Variants in GRID2 observed in about 807,000 individuals in gnomAD.
The protein encoded by GRID2 is glutamate ionotropic receptor delta type subunit 2.
Under a neutral mutation model 114.8 loss-of-function variants are expected in GRID2, and 33 were observed. That is an observed-to-expected ratio of 0.29 (90% CI 0.22 to 0.38). The LOEUF (loss-of-function observed/expected upper bound fraction) is 0.38, where lower values mean the gene tolerates loss of function less well. GRID2 is among the 10% of genes least tolerant of loss of function. GRID2 has a pLI of 1.00. For missense variants in GRID2, 1,184 were observed against 1,257.7 expected, an observed-to-expected ratio of 0.94 and a Z score of 0.89; for synonymous variants, 505 against 449.9, an observed-to-expected ratio of 1.12 and a Z score of -1.55.
In GRID2 at chr4:93,772,823, T is replaced by C. The variant is rs1409178559; in HGVS notation, c.*325T>C. 4.1e-6 allele frequency: 1 copy of C among 241,280 alleles called. No homozygotes were observed. Among genetic ancestry groups the C allele is most frequent in the East Asian group, 8.3e-5 (1 of 12,034 alleles). 14.9% of individuals were successfully genotyped at this position (241,280 alleles called of 1,614,324 possible). ...AAATGTGCACTGAGTATACTAAAAG[T>C]ATATGCAGGATTAATTTTACATAAA... On this transcript the variant is annotated 3_prime_UTR_variant, in exon 16 of 16. Coordinates refer to ENST00000282020, the MANE Select transcript of GRID2 (RefSeq NM_001510.4).
intron 2 of GRID2, among the ~76,000 whole-genome samples, chr4:93,070,966 T>C (rs1279485604): frequency 6.6e-6 from 1 of 152,126 alleles, no homozygotes; most frequent in Admixed American, 6.6e-5. Flanking sequence ...TGAACTCTTC[T>C]ATACGCCAAG....
In GRID2 at chr4:92,461,632, A is replaced by C. The variant is rs565326851; in HGVS notation, c.89-128499A>C. ...TGCCTTTTTTTAATAAATAAAACCTAAACTTACCCTAATTATACTTTCATT... is the reference window on the plus strand; with the variant it reads ...TGCCTTTTTTTAATAAATAAAACCTCAACTTACCCTAATTATACTTTCATT... On this transcript the variant is annotated intron_variant, in intron 1 of 15. Coordinates refer to ENST00000282020, the MANE Select transcript of GRID2 (RefSeq NM_001510.4). Among the ~76,000 whole-genome samples, 4 of 152,118 alleles carry C rather than the reference A, an allele frequency of 2.6e-5. No homozygotes were observed. The South Asian group carries it at 8.3e-4, about 32-fold the overall frequency.
intron 2 of GRID2, among the ~76,000 whole-genome samples, chr4:92,923,665 A>C (rs918671368): frequency 1.3e-5 from 2 of 152,204 alleles, no homozygotes; most frequent in African/African-American, 4.8e-5. Context: ...TACATTATAC[A>C]CATACTACTT....
chr4:92,553,087 G>C (rs896764859), intron 1 of GRID2, among the ~76,000 whole-genome samples: 3 of 152,048 alleles, frequency 2.0e-5, no homozygotes, highest in Non-Finnish European at 4.4e-5. Flanking sequence ...CTTTTTGGTG[G>C]GTGGGGAGCA....
Position 92,677,925 on chromosome 4 carries a change from C to T in GRID2, c.244+87639C>T, listed in dbSNP as rs56035338. Among the ~76,000 whole-genome samples the T allele has an allele frequency of 7.5e-3, 1,143 of 152,112 alleles. 15 individuals carry two copies. The highest frequency in any genetic ancestry group is 0.026 in the African/African-American group (1,079 of 41,516). ...TCATGCTCCTTCACTACTGAAAATT[C>T]ATTTGATTCCCTTTCTACTTTTAAT... On this transcript the variant is annotated intron_variant, in intron 2 of 15. Transcript: ENST00000282020.
chr4:93,388,123 A>C (rs1764506071), intron 8 of GRID2, among the ~76,000 whole-genome samples: 1 of 152,152 alleles, frequency 6.6e-6, no homozygotes, highest in Non-Finnish European at 1.5e-5. Flanking sequence ...TATTACAGTG[A>C]TATGAGGTAG....
chr4:93,494,213 A>T (rs1727303449), intron 12 of GRID2, among the ~76,000 whole-genome samples: 1 of 151,834 alleles, frequency 6.6e-6, no homozygotes, highest in Non-Finnish European at 1.5e-5. Flanking sequence ...CTCATCACCA[A>T]ATGAAGCTGC....
chr4:93,110,598 A>C (rs1199819290), intron 3 of GRID2, 150 bp from the exon 4 acceptor site: 16 of 649,154 alleles, frequency 2.5e-5, no homozygotes, highest in Non-Finnish European at 3.9e-5. Context: ...AACCTTAAAC[A>C]TACTTGAGAG....
intron 8 of GRID2, among the ~76,000 whole-genome samples, chr4:93,301,908 C>T (rs1039832366): frequency 6.6e-6 from 1 of 151,962 alleles, no homozygotes; most frequent in Non-Finnish European, 1.5e-5. Flanking sequence ...TCAGGAAATT[C>T]GACAAATTTC....
intron 2 of GRID2, among the ~76,000 whole-genome samples, chr4:92,716,467 A>T (rs1411852987): frequency 4.6e-5 from 7 of 152,214 alleles, no homozygotes; most frequent in Non-Finnish European, 1.5e-5. Flanking sequence ...GGCATAGAAC[A>T]GTAAATTTGG....
intron 12 of GRID2, 88 bp from the exon 13 acceptor site, chr4:93,515,128 T>G: frequency 1.9e-6 from 1 of 515,784 alleles, no homozygotes; most frequent in Non-Finnish European, 3.4e-6. Context: ...TCCACACATA[T>G]TGCCTTTTTT....
chr4:93,330,175 T>A (rs1560506359), intron 8 of GRID2, among the ~76,000 whole-genome samples: 1 of 152,166 alleles, frequency 6.6e-6, no homozygotes, highest in Non-Finnish European at 1.5e-5. Context: ...TCCTTTATAT[T>A]CAGGCTTGAA....
At chr4:93,391,775 G>A (rs1350450598) in intron 8 of GRID2, among the ~76,000 whole-genome samples, 1 of 152,088 alleles carries the variant, frequency 6.6e-6, no homozygotes, top group African/African-American at 2.4e-5. Context: ...TTTAAAACTT[G>A]ATCATTAGTA....
At chr4:92,780,983 C>T (rs1040434989) in intron 2 of GRID2, among the ~76,000 whole-genome samples, 11 of 151,868 alleles carry the variant, frequency 7.2e-5, no homozygotes, top group African/African-American at 2.4e-4. Context: ...AAAAATTTTG[C>T]CATGGGTAAT....
intron 1 of GRID2, among the ~76,000 whole-genome samples, chr4:92,315,993 C>CAAAAAAAAAAAAAAAAAAAAAAAAAAACA (rs778361565): frequency 1.6e-5 from 1 of 61,912 alleles, no homozygotes; most frequent in Non-Finnish European, 3.1e-5. Flanking sequence ...AAACAAAAAG[C>CAAAAAAAAAAAAAAAAAAAAAAAAAAACA]AAAAAAAAAA....
intron 1 of GRID2, among the ~76,000 whole-genome samples, chr4:92,367,373 G>A (rs149731601): frequency 8.2e-4 from 125 of 152,150 alleles, no homozygotes; most frequent in Non-Finnish European, 1.1e-3. Flanking sequence ...TCAATGGATG[G>A]ATGTTGAGCA....
intron 1 of GRID2, among the ~76,000 whole-genome samples, chr4:92,334,464 G>A (rs1021711613): frequency 6.6e-6 from 1 of 152,156 alleles, no homozygotes; most frequent in African/African-American, 2.4e-5. Context: ...AGTTCTTCAA[G>A]TTGGGATGCT....
At chr4:93,254,742 T>A (rs1749378698) in intron 8 of GRID2, among the ~76,000 whole-genome samples, 1 of 152,066 alleles carries the variant, frequency 6.6e-6, no homozygotes, top group Non-Finnish European at 1.5e-5. Context: ...TTTTTTAGGA[T>A]TGTGGGGGAA....
intron 4 of GRID2, among the ~76,000 whole-genome samples, chr4:93,138,383 C>A (rs1735462820): frequency 6.6e-6 from 1 of 152,162 alleles, no homozygotes; most frequent in African/African-American, 2.4e-5. Flanking sequence ...TATTATGCCC[C>A]TTGTGCTCTA....
Sources: gnomAD v4.1 joint callset for allele counts (sites outside exome capture counted in the v4.1 genomes callset) on GRCh38, gnomAD v4.1.1 for gene constraint, MANE v1.5 for transcripts, NCBI Gene and HGNC (gene_info 2026-07-23, HGNC 2026-07-21) for gene names.